Variants in MACROD2 observed in about 807,000 individuals in gnomAD.
MACROD2 encodes mono-ADP ribosylhydrolase 2.
MACROD2 carries 36 observed loss-of-function variants against 70.4 expected under a neutral mutation model. That is an observed-to-expected ratio of 0.51 (90% CI 0.39 to 0.68). The LOEUF (loss-of-function observed/expected upper bound fraction) is 0.68, where lower values mean the gene tolerates loss of function less well. Among genes scored for constraint, MACROD2 ranks in the 30% least tolerant of loss-of-function variants. MACROD2 has a pLI of 0.00. For synonymous variants in MACROD2, 172 were observed against 178.8 expected, an observed-to-expected ratio of 0.96 and a Z score of 0.30; for missense variants, 496 against 538.4, an observed-to-expected ratio of 0.92 and a Z score of 0.78.
At chr20:15,933,236 G>A (rs763873351) in intron 10 of MACROD2, 40 bp from the exon 11 acceptor site, 1 of 1,595,368 alleles carries the variant, frequency 6.3e-7, no homozygotes, top group Admixed American at 1.7e-5. Flanking sequence ...TTCACAAATT[G>A]ACTTGATGCA....
chr20:14,763,759 C>A (rs554868649), intron 5 of MACROD2, among the ~76,000 whole-genome samples: 1 of 152,046 alleles, frequency 6.6e-6, no homozygotes, highest in Admixed American at 6.5e-5. Context: ...TTTTGAGCAG[C>A]CTGAATCTGC....
chr20:14,063,903 A>G (rs1183198968), intron 2 of MACROD2, among the ~76,000 whole-genome samples: 1 of 151,850 alleles, frequency 6.6e-6, no homozygotes, highest in Non-Finnish European at 1.5e-5. Context: ...ATTTTTGTAT[A>G]CTTTGTGGAG....
chr20:15,002,707 T>C (rs2075005594), intron 5 of MACROD2, among the ~76,000 whole-genome samples: 1 of 152,122 alleles, frequency 6.6e-6, no homozygotes, highest in Non-Finnish European at 1.5e-5. Flanking sequence ...GAAACCGCCA[T>C]GATAAATGGA....
intron 4 of MACROD2, among the ~76,000 whole-genome samples, chr20:14,599,384 A>G (rs530555636): frequency 5.3e-5 from 8 of 152,160 alleles, no homozygotes; most frequent in African/African-American, 1.9e-4. Context: ...CATGATTGGG[A>G]CTTTGGAGGA....
intron 8 of MACROD2, among the ~76,000 whole-genome samples, chr20:15,793,983 C>T (rs537232721): frequency 4.7e-5 from 7 of 149,504 alleles, no homozygotes; most frequent in Non-Finnish European, 7.4e-5. Context: ...ATGAAAGAAC[C>T]GTCACCATTT....
intron 9 of MACROD2, among the ~76,000 whole-genome samples, chr20:15,872,053 T>C (rs571685765): frequency 6.6e-6 from 1 of 152,290 alleles, no homozygotes; most frequent in South Asian, 2.1e-4. Context: ...CTCAAATCCT[T>C]TCCACTCCGT....
At chr20:14,402,126 A>G (rs755250941) in intron 3 of MACROD2, among the ~76,000 whole-genome samples, 1 of 152,174 alleles carries the variant, frequency 6.6e-6, no homozygotes, top group Non-Finnish European at 1.5e-5. Context: ...GTGTATGTGT[A>G]TGTGCATGGG....
chr20:16,007,891 T>C (rs983583474), intron 15 of MACROD2, among the ~76,000 whole-genome samples: 1 of 152,190 alleles, frequency 6.6e-6, no homozygotes, highest in Non-Finnish European at 1.5e-5. Context: ...GGTATAGATA[T>C]ATAAAATCAC....
intron 3 of MACROD2, among the ~76,000 whole-genome samples, chr20:14,258,084 A>G (rs1601407476): frequency 6.6e-6 from 1 of 152,282 alleles, no homozygotes; most frequent in East Asian, 1.9e-4. Context: ...TTTATGGCTG[A>G]GTAGTATTCT....
chr20:14,180,191 T>C (rs1471372217), intron 3 of MACROD2, among the ~76,000 whole-genome samples: 1 of 151,884 alleles, frequency 6.6e-6, no homozygotes, highest in Non-Finnish European at 1.5e-5. Flanking sequence ...ACACAGTAGG[T>C]AAGTAGCAGT....
intron 8 of MACROD2, among the ~76,000 whole-genome samples, chr20:15,625,249 G>A (rs1186426451): frequency 6.6e-6 from 1 of 151,974 alleles, no homozygotes; most frequent in Non-Finnish European, 1.5e-5. Flanking sequence ...AAGACCACAA[G>A]TGACTATAAA....
chr20:15,331,430 G>A (rs2081346502), intron 6 of MACROD2, among the ~76,000 whole-genome samples: 1 of 151,528 alleles, frequency 6.6e-6, no homozygotes, highest in South Asian at 2.1e-4. Flanking sequence ...CATTTATAAT[G>A]CACATCAATT....
At position 15,092,272 on chromosome 20, in the gene MACROD2, A is replaced by G. The variant is rs539526572; in HGVS notation, c.419-137668A>G. Among the ~76,000 whole-genome samples, 78 of 151,886 alleles carry G rather than the reference A, an allele frequency of 5.1e-4. 1 individual carries two copies. Among genetic ancestry groups the G allele is most frequent in the Non-Finnish European group, 8.0e-4 (54 of 67,874 alleles). ...TGGACTAAATTTTCAAATGTGGGTTAACAATAAAAATTTATGCACAAACTG... is the reference window on the plus strand; with the variant it reads ...TGGACTAAATTTTCAAATGTGGGTTGACAATAAAAATTTATGCACAAACTG... On this transcript the variant is annotated intron_variant, in intron 5 of 17. Coordinates refer to ENST00000684519, the MANE Select transcript of MACROD2 (RefSeq NM_001351661.2).
At chr20:15,549,081 C>A (rs1024018705) in intron 8 of MACROD2, among the ~76,000 whole-genome samples, 4 of 152,206 alleles carry the variant, frequency 2.6e-5, no homozygotes, top group African/African-American at 9.7e-5. Flanking sequence ...ATCCATCATC[C>A]TCAAAATTGT....
chr20:15,531,304 T>G (rs2047797597), intron 8 of MACROD2, among the ~76,000 whole-genome samples: 1 of 149,062 alleles, frequency 6.7e-6, no homozygotes, highest in Non-Finnish European at 1.5e-5. Context: ...CAAAATATGA[T>G]TTAATAACAT....
intron 5 of MACROD2, among the ~76,000 whole-genome samples, chr20:14,822,453 G>T (rs1247440500): frequency 6.6e-6 from 1 of 151,846 alleles, no homozygotes; most frequent in Non-Finnish European, 1.5e-5. Flanking sequence ...TACAGTTTTC[G>T]GCAAGCCATT....
intron 8 of MACROD2, among the ~76,000 whole-genome samples, chr20:15,598,955 T>C (rs1878134298): frequency 6.6e-6 from 1 of 152,188 alleles, no homozygotes; most frequent in Admixed American, 6.5e-5. Context: ...TTCTGCATAA[T>C]AGGATCACAT....
At chr20:15,416,105 A>G (rs777194512) in intron 6 of MACROD2, among the ~76,000 whole-genome samples, 3 of 152,184 alleles carry the variant, frequency 2.0e-5, no homozygotes, top group Non-Finnish European at 4.4e-5. Flanking sequence ...GAGCTGTCAT[A>G]TCTCCTTGCA....
At chr20:14,812,427 G>T (rs181218734) in intron 5 of MACROD2, among the ~76,000 whole-genome samples, 237 of 152,054 alleles carry the variant, frequency 1.6e-3, no homozygotes, top group African/African-American at 5.6e-3. Flanking sequence ...TTGGGAGGTA[G>T]GGGGCAAGGG....
Sources: allele counts gnomAD v4.1 joint callset (sites outside exome capture counted in the v4.1 genomes callset), GRCh38; gene constraint gnomAD v4.1.1; transcripts MANE v1.5; gene names NCBI Gene and HGNC (gene_info 2026-07-23, HGNC 2026-07-21).